Variants in AUTS2 observed in about 807,000 individuals in gnomAD.
AUTS2 encodes autism susceptibility gene 2 protein.
Under a neutral mutation model 112.4 loss-of-function variants are expected in AUTS2, and 17 were observed. The ratio of observed to expected loss-of-function variants is 0.15; its 90% CI spans 0.10 to 0.23. AUTS2 has a LOEUF of 0.23. Among genes scored for constraint, AUTS2 ranks in the 10% least tolerant of loss-of-function variants. The pLI, the probability that AUTS2 is intolerant of heterozygous loss-of-function variation, is 1.00. For synonymous variants in AUTS2, 751 were observed against 702.7 expected, an observed-to-expected ratio of 1.07 and a Z score of -1.09; for missense variants, 1,510 against 1,701.6, an observed-to-expected ratio of 0.89 and a Z score of 1.98.
At chr7:70,206,711 A>T (rs1380512574) in intron 4 of AUTS2, among the ~76,000 whole-genome samples, 1 of 152,204 alleles carries the variant, frequency 6.6e-6, no homozygotes, top group African/African-American at 2.4e-5. Flanking sequence ...CTCAAAATGT[A>T]GTACTATCAG....
intron 4 of AUTS2, among the ~76,000 whole-genome samples, chr7:70,177,013 CA>C (rs1180807496): frequency 6.6e-6 from 1 of 152,138 alleles, no homozygotes; most frequent in Non-Finnish European, 1.5e-5. Flanking sequence ...GTTGCCTAAT[CA>C]ATGCAAAATA....
chr7:70,462,557 T>G (rs1481076331), intron 5 of AUTS2, among the ~76,000 whole-genome samples: 1 of 152,154 alleles, frequency 6.6e-6, no homozygotes, highest in Non-Finnish European at 1.5e-5. Flanking sequence ...TTAAAAAATT[T>G]TATTTCCTGC....
intron 6 of AUTS2, among the ~76,000 whole-genome samples, chr7:70,707,530 G>A (rs553887486): frequency 1.3e-5 from 2 of 152,158 alleles, no homozygotes; most frequent in East Asian, 3.9e-4. Flanking sequence ...GTAAAAATTC[G>A]GATTGGGGGA....
At chr7:69,666,128 A>G (rs1008741071) in intron 1 of AUTS2, among the ~76,000 whole-genome samples, 1 of 152,254 alleles carries the variant, frequency 6.6e-6, no homozygotes, top group Non-Finnish European at 1.5e-5. Context: ...GTATACTCAC[A>G]TGCATATATA....
intron 1 of AUTS2, among the ~76,000 whole-genome samples, chr7:69,804,390 A>T (rs937841714): frequency 6.6e-6 from 1 of 152,216 alleles, no homozygotes; most frequent in Non-Finnish European, 1.5e-5. Flanking sequence ...TTGATGTTGA[A>T]TTTAAGTTCA....
chr7:70,257,569 C>T (rs931042515), intron 4 of AUTS2, among the ~76,000 whole-genome samples: 5 of 151,514 alleles, frequency 3.3e-5, no homozygotes, highest in Non-Finnish European at 5.9e-5. Context: ...CCGACCGCCT[C>T]GACCTGCCAA....
intron 2 of AUTS2, among the ~76,000 whole-genome samples, chr7:69,924,554 T>C (rs1045119887): frequency 6.6e-6 from 1 of 151,540 alleles, no homozygotes; most frequent in African/African-American, 2.4e-5. Flanking sequence ...TTTTCTTTTT[T>C]TTTTTTCTTT....
chr7:70,125,870 G>A (rs1805944839), intron 3 of AUTS2, among the ~76,000 whole-genome samples: 1 of 152,100 alleles, frequency 6.6e-6, no homozygotes, highest in African/African-American at 2.4e-5. Context: ...CTTGAGGTGG[G>A]AGAATACATT....
At position 70,329,462 on chromosome 7, in the gene AUTS2, T is replaced by G. The variant is rs542165904; in HGVS notation, c.661-106290T>G. On this transcript the variant is annotated intron_variant, in intron 4 of 18. Coordinates refer to ENST00000342771, the MANE Select transcript of AUTS2 (RefSeq NM_015570.4). ...CTTGATATTTTCCTTTTTCTTAAAA[T>G]AGCCACTCTTATGGGTATGAAGTGG... Among the ~76,000 whole-genome samples, 31 of 152,250 alleles carry G rather than the reference T, an allele frequency of 2.0e-4. No individual in the cohort carries two copies. The South Asian group carries it at 6.0e-3, about 30-fold the overall frequency.
At chr7:70,167,151 G>A (rs1478252417) in intron 4 of AUTS2, among the ~76,000 whole-genome samples, 1 of 152,126 alleles carries the variant, frequency 6.6e-6, no homozygotes, top group Non-Finnish European at 1.5e-5. Context: ...ACTTGAACCT[G>A]GGAGGTAGAG....
chr7:69,704,328 A>C (rs895535528), intron 1 of AUTS2, among the ~76,000 whole-genome samples: 12 of 151,654 alleles, frequency 7.9e-5, no homozygotes, highest in African/African-American at 2.9e-4. Flanking sequence ...CCCAGGCTGG[A>C]GTGCGGTGGT....
chr7:70,309,910 T>C (rs180969350), intron 4 of AUTS2, among the ~76,000 whole-genome samples: 2 of 152,282 alleles, frequency 1.3e-5, no homozygotes, highest in East Asian at 3.9e-4. Context: ...GGTAAAGTGA[T>C]AGAGGAAAAA....
At chr7:70,737,365 A>T (rs1042507707) in intron 6 of AUTS2, among the ~76,000 whole-genome samples, 1 of 152,226 alleles carries the variant, frequency 6.6e-6, no homozygotes, top group African/African-American at 2.4e-5. Context: ...TAACATCTGT[A>T]AATTCCACAG....
At chr7:70,067,521 C>T (rs923692558) in intron 2 of AUTS2, among the ~76,000 whole-genome samples, 9 of 152,100 alleles carry the variant, frequency 5.9e-5, no homozygotes, top group Admixed American at 5.9e-4. Flanking sequence ...AATTCTTTGT[C>T]TAGGACATGC....
At position 70,118,245 on chromosome 7, in the gene AUTS2, T is replaced by TTA. The variant is rs780314158; in HGVS notation, c.624+12_624+13insTA. The stretch of plus-strand genomic sequence containing the variant: ...AAAGGCTCAGTGATGTAAGTTTAAG[T>TTA]AAAAAAAAAAAAAAAAAAAAAATTA... On this transcript the variant is annotated intron_variant, in intron 3 of 18. Coordinates refer to ENST00000342771, the MANE Select transcript of AUTS2 (RefSeq NM_015570.4). The TTA allele has an allele frequency of 7.6e-6, 10 of 1,323,396 alleles. No individual in the cohort carries two copies. Among genetic ancestry groups the TTA allele is most frequent in the Non-Finnish European group, 8.7e-6 (9 of 1,030,912 alleles). 82.0% of individuals were successfully genotyped at this position (1,323,396 alleles called of 1,614,324 possible). A position where few individuals can be genotyped will look rare whatever the true frequency, so the allele number is the denominator to read the frequency against.
At chr7:70,477,289 T>C (rs1342241863) in intron 5 of AUTS2, among the ~76,000 whole-genome samples, 1 of 152,134 alleles carries the variant, frequency 6.6e-6, no homozygotes, top group Non-Finnish European at 1.5e-5. Context: ...TAGCCCAATA[T>C]AGATAAGCTC....
intron 6 of AUTS2, among the ~76,000 whole-genome samples, chr7:70,762,152 A>G (rs1294604890): frequency 1.3e-5 from 2 of 152,256 alleles, no homozygotes; most frequent in South Asian, 2.1e-4. Flanking sequence ...ACTCATTTCA[A>G]TAGAAAACAC....
At chr7:70,525,939 C>T (rs557451842) in intron 5 of AUTS2, among the ~76,000 whole-genome samples, 10 of 152,176 alleles carry the variant, frequency 6.6e-5, no homozygotes, top group Non-Finnish European at 1.3e-4. Flanking sequence ...CATCTTCTGG[C>T]GGGAGAGGGT....
chr7:69,629,698 G>A (rs956867231), intron 1 of AUTS2, among the ~76,000 whole-genome samples: 2 of 152,108 alleles, frequency 1.3e-5, no homozygotes, highest in African/African-American at 2.4e-5. Context: ...TAAAATCACC[G>A]CAGTCAGTAG....
Sources: allele counts gnomAD v4.1 joint callset (sites outside exome capture counted in the v4.1 genomes callset), GRCh38; gene constraint gnomAD v4.1.1; transcripts MANE v1.5; gene names NCBI Gene and HGNC (gene_info 2026-07-23, HGNC 2026-07-21).